The following TRPM3 variants were observed in gnomAD, a reference collection of about 807,000 sequenced individuals.
TRPM3 encodes the protein transient receptor potential cation channel subfamily M member 3, also known as long transient receptor potential channel 3.
Under a neutral mutation model 181.2 loss-of-function variants are expected in TRPM3, and 77 were observed. That is an observed-to-expected ratio of 0.42 (90% CI 0.35 to 0.51). The LOEUF (loss-of-function observed/expected upper bound fraction) is 0.51. TRPM3 is among the 20% of genes least tolerant of loss of function. The probability of loss-of-function intolerance (pLI) is 0.01; values close to 1 mark genes in which losing one functional copy is unlikely to be tolerated. For synonymous variants in TRPM3, 745 were observed against 796.4 expected, an observed-to-expected ratio of 0.94 and a Z score of 1.09; for missense variants, 1,759 against 2,196.7, an observed-to-expected ratio of 0.80 and a Z score of 3.98.
chr9:71,199,821 C>T (rs1333653779), intron 1 of TRPM3, among the ~76,000 whole-genome samples: 1 of 151,596 alleles, frequency 6.6e-6, no homozygotes, highest in Non-Finnish European at 1.5e-5. Context: ...TTCAAAAAAC[C>T]AGCTCCTGGA....
intron 8 of TRPM3, among the ~76,000 whole-genome samples, chr9:70,742,511 C>T (rs1003955745): frequency 6.6e-6 from 1 of 152,126 alleles, no homozygotes; most frequent in Non-Finnish European, 1.5e-5. Flanking sequence ...CGGTATAGAA[C>T]ACTAGAACTT....
At chr9:70,869,717 T>C (rs927463381) in intron 1 of TRPM3, among the ~76,000 whole-genome samples, 25 of 151,952 alleles carry the variant, frequency 1.6e-4, no homozygotes, top group African/African-American at 6.0e-4. Context: ...TGCAAATGTA[T>C]GATTAGAAAC....
At chr9:71,028,779 C>T (rs2056917200) in intron 1 of TRPM3, among the ~76,000 whole-genome samples, 1 of 152,126 alleles carries the variant, frequency 6.6e-6, no homozygotes, top group African/African-American at 2.4e-5. Flanking sequence ...TATATGCACC[C>T]ACCACATGAG....
chr9:70,545,587 T>G, intron 25 of TRPM3, among the ~76,000 whole-genome samples: 1 of 137,884 alleles, frequency 7.3e-6, no homozygotes, highest in Non-Finnish European at 1.5e-5. Context: ...CGCTCTGTCG[T>G]CCAGGCTAGA....
At chr9:71,340,296 T>C (rs900530851) in intron 1 of TRPM3, among the ~76,000 whole-genome samples, 1 of 152,146 alleles carries the variant, frequency 6.6e-6, no homozygotes, top group African/African-American at 2.4e-5. Context: ...CTGATGGTTT[T>C]GTTATATATG....
chr9:70,756,913 C>T (rs1443049600), intron 8 of TRPM3, among the ~76,000 whole-genome samples: 4 of 151,998 alleles, frequency 2.6e-5, no homozygotes, highest in Admixed American at 6.6e-5. Flanking sequence ...ACCCTAACAT[C>T]GCAATTAAAA....
intron 1 of TRPM3, among the ~76,000 whole-genome samples, chr9:70,973,899 A>C (rs766202673): frequency 6.6e-6 from 1 of 152,248 alleles, no homozygotes; most frequent in Non-Finnish European, 1.5e-5. Context: ...CAACAGACAG[A>C]GGGTATTCTA....
At chr9:70,992,163 A>G (rs2134134495) in intron 1 of TRPM3, among the ~76,000 whole-genome samples, 1 of 152,334 alleles carries the variant, frequency 6.6e-6, no homozygotes, top group South Asian at 2.1e-4. Flanking sequence ...CACTTGTGCT[A>G]CAATGATGCC....
chr9:70,997,759 G>A (rs530670128), intron 1 of TRPM3, among the ~76,000 whole-genome samples: 115 of 152,190 alleles, frequency 7.6e-4, no homozygotes, highest in African/African-American at 2.6e-3. Context: ...GGGTATCAAC[G>A]TTAATTATAA....
chr9:70,649,192 C>CTTTT (rs58145886), intron 9 of TRPM3, among the ~76,000 whole-genome samples: 2,852 of 144,202 alleles, frequency 0.02, 114 homozygotes, highest in African/African-American at 0.067. Flanking sequence ...TGAACAGACA[C>CTTTT]TTTTTTTTTT....
intron 1 of TRPM3, among the ~76,000 whole-genome samples, chr9:71,140,571 C>A (rs59814681): frequency 6.6e-6 from 1 of 152,104 alleles, no homozygotes; most frequent in African/African-American, 2.4e-5. Context: ...AATATTTTTA[C>A]GTTACAGTAT....
At chr9:71,439,492 T>C (rs897057707) in intron 1 of TRPM3, among the ~76,000 whole-genome samples, 2 of 152,192 alleles carry the variant, frequency 1.3e-5, no homozygotes, top group African/African-American at 4.8e-5. Context: ...TAAGATTCAG[T>C]TGCAAAACCA....
At position 70,863,023 on chromosome 9, in the gene TRPM3, G is replaced by T; in HGVS notation, c.347C>A (p.Ser116Tyr). The stretch of plus-strand genomic sequence containing the variant: ...CTTTTCAGACTGGATGTCATTTCGG[G>T]AGAGGCGACTTTCATTTTTCTCATT... ...LQNEKNESRL[S>Y]RNDIQSEKWS... Residue 116 changes from serine (S) to tyrosine (Y), a missense_variant, in exon 3 of 26, where the codon TCC becomes TAC. This residue lies in a region of TRPM3 where 737 missense variants were observed against 957.4 expected (regional missense o/e 0.77). Coordinates refer to ENST00000677713, the MANE Select transcript of TRPM3 (RefSeq NM_001366145.2). 4 of 1,613,654 alleles carry T rather than the reference G, an allele frequency of 2.5e-6. No individual in the cohort carries two copies. The highest frequency in any genetic ancestry group is 3.4e-6 in the Non-Finnish European group (4 of 1,179,720).
At chr9:71,384,873 A>T (rs1043985495) in intron 1 of TRPM3, among the ~76,000 whole-genome samples, 2 of 152,218 alleles carry the variant, frequency 1.3e-5, no homozygotes, top group Non-Finnish European at 2.9e-5. Flanking sequence ...TGTCATTTTT[A>T]AAAACAGCCA....
intron 1 of TRPM3, among the ~76,000 whole-genome samples, chr9:71,247,431 T>G (rs1656551435): frequency 6.6e-6 from 1 of 150,786 alleles, no homozygotes; most frequent in African/African-American, 2.4e-5. Flanking sequence ...AGTCATTGCA[T>G]ACTGAGTAAA....
chr9:70,777,986 G>GACACAC (rs149258078), intron 7 of TRPM3, among the ~76,000 whole-genome samples: 78 of 149,328 alleles, frequency 5.2e-4, no homozygotes, highest in Non-Finnish European at 7.7e-4. Flanking sequence ...AAATTTAACA[G>GACACAC]ACACAGACAC....
At position 70,881,372 on chromosome 9, in the gene TRPM3, G is replaced by A. The variant is rs182207104; in HGVS notation, c.178-16861C>T. 3.5e-4 allele frequency among the ~76,000 whole-genome samples: 53 copies of A among 152,118 alleles called. No homozygotes were observed. In the Middle Eastern group the frequency reaches 0.02, roughly 59 times the overall value. ...AAGCACGATATGAATTAATGTGACC[G>A]CCCTACCACCACCCCCATACAAAAA... On this transcript the variant is annotated intron_variant, in intron 1 of 25. Transcript: ENST00000677713.
chr9:71,349,983 ATATATATATATATATATATG>A (rs1043336014), intron 1 of TRPM3, among the ~76,000 whole-genome samples: 11 of 32,896 alleles, frequency 3.3e-4, no homozygotes, highest in Admixed American at 8.4e-4. Flanking sequence ...ATATATATAT[ATATATATATATATATATATG>A]GGCCTAAAAA....
chr9:70,554,646 T>C (rs1188808267), intron 22 of TRPM3, among the ~76,000 whole-genome samples: 2 of 152,192 alleles, frequency 1.3e-5, no homozygotes, highest in African/African-American at 4.8e-5. Context: ...TTTAAAACTT[T>C]CTAGGTAATT....
Sources: gnomAD v4.1 joint callset for allele counts (sites outside exome capture counted in the v4.1 genomes callset) on GRCh38, gnomAD v4.1.1 for gene constraint, gnomAD v4.1.1 regional missense constraint, MANE v1.5 for transcripts, NCBI Gene and HGNC (gene_info 2026-07-23, HGNC 2026-07-21) for gene names.